ALDH16A1: variants seen among roughly 807,000 people sequenced by gnomAD.
The protein encoded by ALDH16A1 is aldehyde dehydrogenase 16 family member A1, also known as aldehyde dehydrogenase family 16 member A1.
A neutral mutation model predicts 96.1 loss-of-function variants in ALDH16A1; 88 were observed. The observed-to-expected ratio is 0.92, with a 90% CI of 0.77 to 1.09. The LOEUF (loss-of-function observed/expected upper bound fraction) is 1.09, where lower values mean the gene tolerates loss of function less well. Among genes scored for constraint, ALDH16A1 ranks in the 50% least tolerant of loss-of-function variants. The pLI is 0.00. For missense variants in ALDH16A1, 1,250 were observed against 1,112.6 expected (o/e 1.12, Z -1.76); for synonymous variants, 522 against 496.4 (o/e 1.05, Z -0.69).
intron 12 of ALDH16A1, 102 bp downstream of exon 12, chr19:49,464,864 C>T (rs929314466): frequency 2.6e-6 from 4 of 1,553,860 alleles, no homozygotes; most frequent in African/African-American, 2.7e-5. Context: ...TCCATCCAAA[C>T]CATCTCTTAG....
Position 49,468,274 on chromosome 19 carries a change from C to T in ALDH16A1, c.1939-107C>T, listed in dbSNP as rs761750181. 1.8e-4 allele frequency: 207 copies of T among 1,160,534 alleles called. No individual in the cohort carries two copies. Among genetic ancestry groups the T allele is most frequent in the Non-Finnish European group, 2.2e-4 (183 of 829,774 alleles). The allele number at this position is 1,160,534 out of a possible 1,614,324, so 71.9% of individuals were successfully genotyped here. On this transcript the variant is annotated intron_variant, in intron 14 of 16. Transcript: ENST00000293350. The surrounding 1 kb of genome is among the most constrained non-coding windows in gnomAD (Gnocchi z 4.4). ...AATGGCAGGGGCTTCCACAATGGTGCGGTTTGGGCCAACACCAAGTGTTGG... is the reference window on the plus strand; with the variant it reads ...AATGGCAGGGGCTTCCACAATGGTGTGGTTTGGGCCAACACCAAGTGTTGG...
At chr19:49,461,235 G>C (rs12460520) in intron 5 of ALDH16A1, among the ~76,000 whole-genome samples, 694 of 7,342 alleles carry the variant, frequency 0.095, 189 homozygotes, top group Non-Finnish European at 0.13. Flanking sequence ...ACTCCTGGGT[G>C]TGAGGGAGGA....
Position 49,464,410 on chromosome 19 carries a change from C to T in ALDH16A1, c.1332-7C>T. On this transcript the variant is annotated splice_polypyrimidine_tract_variant and splice_region_variant and intron_variant, in intron 10 of 16. Transcript: ENST00000293350. The stretch of plus-strand genomic sequence containing the variant: ...TCCTCTGTTGGACACCTTCATCTTC[C>T]CCACAGGCTCCAGGTGGGCACTGTC... The T allele has an allele frequency of 6.3e-7, 1 of 1,593,690 alleles. No individual in the cohort carries two copies. Among genetic ancestry groups the T allele is most frequent in the Non-Finnish European group, 8.5e-7 (1 of 1,170,070 alleles).
rs762203129 is a variant in ALDH16A1 at position 49,461,975 on chromosome 19, C to T, written c.851C>T (p.Thr284Met). The T allele has an allele frequency of 1.9e-5, 29 of 1,555,466 alleles. No homozygotes were observed. The highest frequency in any genetic ancestry group is 6.8e-5 in the African/African-American group (5 of 73,478). ...GAGTCGCTGCTGCTGCTGACGGACACGGCGGACGTAGACTCGGCCGTGGAG... is the reference window on the plus strand; with the variant it reads ...GAGTCGCTGCTGCTGCTGACGGACATGGCGGACGTAGACTCGGCCGTGGAG... ...GTESLLLLTD[T>M]ADVDSAVEGV... Residue 284 changes from threonine to methionine, a missense_variant, in exon 7 of 17, where the codon ACG becomes ATG. Coordinates refer to ENST00000293350, the MANE Select transcript of ALDH16A1 (RefSeq NM_153329.4).
In ALDH16A1 at chr19:49,468,472, T is replaced by C; in HGVS notation, c.2030T>C (p.Phe677Ser). 6.2e-7 allele frequency: 1 copy of C among 1,602,672 alleles called. No individual in the cohort carries two copies. The highest frequency in any genetic ancestry group is 8.5e-7 in the Non-Finnish European group (1 of 1,179,870). The change falls in exon 15 of 17, where the codon TTC becomes TCC. Residue 677 changes from phenylalanine to serine, a missense_variant. Phe to Ser is a radical substitution (Grantham distance 155, BLOSUM62 -2). Coordinates refer to ENST00000293350, the MANE Select transcript of ALDH16A1 (RefSeq NM_153329.4). This position sits in a 1 kb window ranked among gnomAD's most constrained non-coding sequence, Gnocchi z 4.4. ...CCGGACGAGTGGCCCCTGCTTGCCTTCGTGTCCCTGCTGGCTCCCGCCCTG... is the reference window on the plus strand; with the variant it reads ...CCGGACGAGTGGCCCCTGCTTGCCTCCGTGTCCCTGCTGGCTCCCGCCCTG... ...VCPDEWPLLA[F>S]VSLLAPALAY...
chr19:49,458,474 T>C lies in ALDH16A1; in HGVS notation c.91-12T>C. 6.4e-7 allele frequency: 1 copy of C among 1,554,300 alleles called. No homozygotes were observed. The highest frequency in any genetic ancestry group is 8.7e-7 in the Non-Finnish European group (1 of 1,147,890). ...CCCGAACCCCTTTCCAAACTGTCTC[T>C]ACCTCCCCCAGGCCTGGCTGGACAC... On this transcript the variant is annotated splice_polypyrimidine_tract_variant and intron_variant, in intron 1 of 16. Transcript: ENST00000293350.
intron 7 of ALDH16A1, 102 bp downstream of exon 7, chr19:49,462,138 T>C: frequency 1.4e-6 from 2 of 1,392,978 alleles, no homozygotes; most frequent in Non-Finnish European, 9.4e-7. Context: ...TTTATTTTAT[T>C]TTATTTATTT....
rs751182686 is a variant in ALDH16A1, at chr19:49,468,408, C to G, written c.1966C>G (p.Arg656Gly). 6.2e-7 allele frequency: 1 copy of G among 1,600,074 alleles called. No homozygotes were observed. The highest frequency in any genetic ancestry group is 8.5e-7 in the Non-Finnish European group (1 of 1,179,768). ...QVAGLRGPVL[R>G]LREPLGVLAV... Reference sequence around the variant, plus strand: ...AGCCGGGCTGAGAGGCCCTGTGCTGCGCCTGCGGGAGCCGCTGGGTGTGCT... The same window carrying G: ...AGCCGGGCTGAGAGGCCCTGTGCTGGGCCTGCGGGAGCCGCTGGGTGTGCT... Residue 656 changes from arginine (R) to glycine (G), a missense_variant, in exon 15 of 17, where the codon CGC becomes GGC. By Grantham distance (125) the Arg-to-Gly change is moderately radical (BLOSUM62 -2). Transcript: ENST00000293350. This position sits in a 1 kb window ranked among gnomAD's most constrained non-coding sequence, Gnocchi z 4.4.
At position 49,462,770 on chromosome 19, in the gene ALDH16A1, A is replaced by G. The variant is rs1190255207; in HGVS notation, c.1098+15A>G. On this transcript the variant is annotated intron_variant, in intron 8 of 16. Transcript: ENST00000293350. ...AGGGTGCACAGGTGAGGCAGGGGGT[A>G]GAGACTTGAGGGTGTCAGGGGAGGA... 2.7e-5 allele frequency: 42 copies of G among 1,551,462 alleles called. No homozygotes were observed. Among genetic ancestry groups the G allele is most frequent in the Non-Finnish European group, 3.4e-5 (39 of 1,150,924 alleles).
At position 49,459,670 on chromosome 19, in the gene ALDH16A1, G is replaced by C; in HGVS notation, c.321G>C (p.Arg107Ser). 6.2e-7 allele frequency: 1 copy of C among 1,604,356 alleles called. No individual in the cohort carries two copies. The highest frequency in any genetic ancestry group is 8.5e-7 in the Non-Finnish European group (1 of 1,175,332). ...PGVVRAQHLT[R>S]LAEVIQKHQR... Reference sequence around the variant, plus strand: ...GAGCACCCTCTTGCTTTCTCGACAGGCTGGCCGAGGTGATCCAGAAGCACC... The same window carrying C: ...GAGCACCCTCTTGCTTTCTCGACAGCCTGGCCGAGGTGATCCAGAAGCACC... Residue 107 changes from arginine (R) to serine (S), a missense_variant and splice_region_variant, in exon 4 of 17, where the codon AGG becomes AGC. Arg to Ser is a moderately radical substitution (Grantham distance 110). Coordinates refer to ENST00000293350, the MANE Select transcript of ALDH16A1 (RefSeq NM_153329.4). This position sits in a 1 kb window ranked among gnomAD's most constrained non-coding sequence, Gnocchi z 4.1.
Position 49,460,719 on chromosome 19 carries a change from T to G in ALDH16A1, c.500-103T>G. On this transcript the variant is annotated intron_variant, in intron 4 of 16. Transcript: ENST00000293350. ...GTGAGCCACCACACCCGGCCATTTT[T>G]TTTTTTTTTTCCTAATGTAGCCATG... The G allele has an allele frequency of 2.0e-6, 2 of 976,396 alleles. 1 individual carries two copies. The allele number at this position is 976,396 out of a possible 1,614,324, so 60.5% of individuals were successfully genotyped here.
chr19:49,465,440 C>G (rs549160948), intron 12 of ALDH16A1, among the ~76,000 whole-genome samples: 2 of 149,424 alleles, frequency 1.3e-5, no homozygotes, highest in African/African-American at 2.5e-5. Flanking sequence ...CCCCCAGAGG[C>G]TCATGGGAGC....
Position 49,459,540 on chromosome 19 carries a change from C to A in ALDH16A1, c.321-130C>A. ...AATTCTCATAAATCTTCACTGCCCT[C>A]TGCCCCAGGTAAATGGTGGGGATGC... On this transcript the variant is annotated intron_variant, in intron 3 of 16. Transcript: ENST00000293350. This position sits in a 1 kb window ranked among gnomAD's most constrained non-coding sequence, Gnocchi z 4.1. 1 of 1,061,102 alleles carries A rather than the reference C, an allele frequency of 9.4e-7. No individual in the cohort carries two copies. Among genetic ancestry groups the A allele is most frequent in the African/African-American group, 1.6e-5 (1 of 61,712 alleles). The allele number at this position is 1,061,102 out of a possible 1,614,324, so 65.7% of individuals were successfully genotyped here.
intron 14 of ALDH16A1, among the ~76,000 whole-genome samples, chr19:49,466,551 C>T (rs1043884058): frequency 1.3e-5 from 2 of 152,106 alleles, no homozygotes; most frequent in African/African-American, 2.4e-5. Flanking sequence ...GGCTGTTAGG[C>T]GGTTCTCACA....
intron 1 of ALDH16A1, among the ~76,000 whole-genome samples, chr19:49,456,935 C>T (rs567364895): frequency 1.1e-4 from 16 of 151,832 alleles, no homozygotes; most frequent in Admixed American, 5.9e-4. Context: ...TGGTAAAAAC[C>T]CATCTCTACT....
intron 1 of ALDH16A1, among the ~76,000 whole-genome samples, chr19:49,454,812 G>C (rs372850024): frequency 8.2e-4 from 125 of 151,886 alleles, no homozygotes; most frequent in African/African-American, 3.0e-3. Context: ...GTGAAACCTC[G>C]TCTCTACTAA....
At position 49,459,723 on chromosome 19, in the gene ALDH16A1, T is replaced by A. The variant is rs1209882849; in HGVS notation, c.374T>A (p.Leu125Gln). The stretch of plus-strand genomic sequence containing the variant: ...CGGCTGCTGTGGACCCTGGAATCCC[T>A]GGTGACTGGGCGGGCTGTTCGAGAG... ...HQRLLWTLES[L>Q]VTGRAVREVR... Residue 125 changes from leucine (L) to glutamine (Q), a missense_variant, in exon 4 of 17, where the codon CTG becomes CAG. By Grantham distance (113) the Leu-to-Gln change is moderately radical. Coordinates refer to ENST00000293350, the MANE Select transcript of ALDH16A1 (RefSeq NM_153329.4). This position sits in a 1 kb window ranked among gnomAD's most constrained non-coding sequence, Gnocchi z 4.1. 2 of 1,613,518 alleles carry A rather than the reference T, an allele frequency of 1.2e-6. No individual in the cohort carries two copies. The highest frequency in any genetic ancestry group is 1.1e-5 in the South Asian group (1 of 91,030).
At chr19:49,458,664 C>A in intron 2 of ALDH16A1, 76 bp downstream of exon 2, 2 of 1,454,294 alleles carry the variant, frequency 1.4e-6, no homozygotes, top group Non-Finnish European at 1.9e-6. Flanking sequence ...CACCCATTCC[C>A]CTTGCCTAGG....
Position 49,463,847 on chromosome 19 carries a change from T to C in ALDH16A1, c.1099-7T>C, listed in dbSNP as rs2079174381. On this transcript the variant is annotated splice_polypyrimidine_tract_variant and splice_region_variant and intron_variant, in intron 8 of 16. Coordinates refer to ENST00000293350, the MANE Select transcript of ALDH16A1 (RefSeq NM_153329.4). ...GAAGTCGACTTCTAGATCATTTCTC[T>C]CCCTAGGTGTTCCAGGCTGGTGATG... 3 of 1,611,706 alleles carry C rather than the reference T, an allele frequency of 1.9e-6. No individual in the cohort carries two copies. Among genetic ancestry groups the C allele is most frequent in the Non-Finnish European group, 2.5e-6 (3 of 1,178,646 alleles).
Sources: gnomAD v4.1 joint callset for allele counts (sites outside exome capture counted in the v4.1 genomes callset) on GRCh38, gnomAD v4.1.1 for gene constraint, Gnocchi (gnomAD v3.1) non-coding constraint, MANE v1.5 for transcripts, NCBI Gene and HGNC (gene_info 2026-07-23, HGNC 2026-07-21) for gene names.